MEGF9: variants seen among roughly 807,000 people sequenced by gnomAD.
The protein encoded by MEGF9 is multiple EGF like domains 9, also known as multiple epidermal growth factor-like domains protein 9.
A neutral mutation model predicts 46.8 loss-of-function variants in MEGF9; 6 were observed. That is an observed-to-expected ratio of 0.13 (90% CI 0.07 to 0.25). MEGF9 has a LOEUF of 0.25. Among genes scored for constraint, MEGF9 ranks in the 10% least tolerant of loss-of-function variants. The pLI, the probability that MEGF9 is intolerant of heterozygous loss-of-function variation, is 1.00. For missense variants in MEGF9, 683 were observed against 792.4 expected (o/e 0.86, Z 1.66); for synonymous variants, 302 against 330.7 (o/e 0.91, Z 0.94).
intron 2 of MEGF9, among the ~76,000 whole-genome samples, chr9:120,648,971 C>A (rs991944064): frequency 6.6e-6 from 1 of 152,186 alleles, no homozygotes; most frequent in African/African-American, 2.4e-5. Flanking sequence ...TGGGATGGGG[C>A]TTGGCTCCAG....
At chr9:120,688,225 G>A (rs918971859) in intron 1 of MEGF9, among the ~76,000 whole-genome samples, 1 of 151,466 alleles carries the variant, frequency 6.6e-6, no homozygotes, top group Non-Finnish European at 1.5e-5. Flanking sequence ...GAGATTTGAA[G>A]GTCAGATTCA....
chr9:120,662,010 A>AT (rs1331635201), intron 1 of MEGF9, among the ~76,000 whole-genome samples: 12 of 152,294 alleles, frequency 7.9e-5, no homozygotes, highest in Admixed American at 7.2e-4. Context: ...ACTAAAAAAA[A>AT]TTTTCTACAA....
intron 1 of MEGF9, among the ~76,000 whole-genome samples, chr9:120,682,672 A>AC (rs1235404086): frequency 6.6e-6 from 1 of 152,106 alleles, no homozygotes; most frequent in Non-Finnish European, 1.5e-5. Flanking sequence ...ACTGTAGATC[A>AC]CCCAGGCTCA....
intron 4 of MEGF9, among the ~76,000 whole-genome samples, chr9:120,610,426 T>C (rs905917655): frequency 6.6e-6 from 1 of 152,210 alleles, no homozygotes; most frequent in African/African-American, 2.4e-5. Flanking sequence ...CTGCCTGATG[T>C]TTCACTCCTT....
At chr9:120,664,062 C>G (rs975624082) in intron 1 of MEGF9, among the ~76,000 whole-genome samples, 3 of 152,004 alleles carry the variant, frequency 2.0e-5, no homozygotes, top group African/African-American at 7.2e-5. Context: ...TTTTTTAGCC[C>G]TAAAAAAAAG....
chr9:120,615,095 C>T (rs1461284339), intron 3 of MEGF9, among the ~76,000 whole-genome samples: 4 of 151,566 alleles, frequency 2.6e-5, no homozygotes, highest in African/African-American at 9.7e-5. Context: ...CAAAATTAGT[C>T]AGGTGTGGTA....
intron 1 of MEGF9, among the ~76,000 whole-genome samples, chr9:120,694,029 G>A (rs2132339636): frequency 6.6e-6 from 1 of 152,184 alleles, no homozygotes; most frequent in South Asian, 2.1e-4. Context: ...AGAATCAGGA[G>A]AAAAACTGAA....
At chr9:120,609,832 T>C (rs1587972014) in intron 4 of MEGF9, among the ~76,000 whole-genome samples, 1 of 152,194 alleles carries the variant, frequency 6.6e-6, no homozygotes, top group Non-Finnish European at 1.5e-5. Flanking sequence ...ACAGTGGTCA[T>C]GGAACTTGTG....
chr9:120,675,285 C>G (rs1014529563), intron 1 of MEGF9, among the ~76,000 whole-genome samples: 1 of 152,114 alleles, frequency 6.6e-6, no homozygotes, highest in Non-Finnish European at 1.5e-5. Flanking sequence ...TATGTCTGAT[C>G]TATTAAGTGG....
At chr9:120,606,529 T>G (rs1267785988) in intron 5 of MEGF9, among the ~76,000 whole-genome samples, 1 of 152,224 alleles carries the variant, frequency 6.6e-6, no homozygotes, top group Non-Finnish European at 1.5e-5. Context: ...TTTGTGTAGA[T>G]TACAGCTACT....
At chr9:120,682,758 T>C (rs1380786700) in intron 1 of MEGF9, among the ~76,000 whole-genome samples, 1 of 152,148 alleles carries the variant, frequency 6.6e-6, no homozygotes, top group African/African-American at 2.4e-5. Flanking sequence ...AATGTTTTTA[T>C]TTTTTGTAGA....
Position 120,650,236 on chromosome 9 carries a change from G to T in MEGF9, c.803+9138C>A, listed in dbSNP as rs372555163. 2.9e-4 allele frequency among the ~76,000 whole-genome samples: 44 copies of T among 152,250 alleles called. No individual in the cohort carries two copies. In the East Asian group the frequency reaches 4.1e-3, roughly 14 times the overall value. ...TGGCAAAAAAGCCTCAAATCAATGT[G>T]CAATTGTCTACATATAAAGGCATCC... is the stretch of plus-strand genomic sequence containing the variant. On this transcript the variant is annotated intron_variant, in intron 2 of 5. Transcript: ENST00000373930.
At chr9:120,627,350 T>C (rs2043529785) in intron 2 of MEGF9, among the ~76,000 whole-genome samples, 1 of 152,250 alleles carries the variant, frequency 6.6e-6, no homozygotes, top group African/African-American at 2.4e-5. Flanking sequence ...GTCTATTTTC[T>C]TCCTAAGATT....
intron 1 of MEGF9, among the ~76,000 whole-genome samples, chr9:120,683,835 A>G (rs1344776492): frequency 3.3e-5 from 5 of 152,134 alleles, no homozygotes; most frequent in African/African-American, 9.7e-5. Flanking sequence ...TTGAGGCTGC[A>G]GTGAGCCATG....
rs145059704 is a variant in MEGF9 at position 120,711,871 on chromosome 9, A to ACACACACACACACACACC, written c.601+1886_601+1887insGGTGTGTGTGTGTGTGTG. ...CACACACACACACACACACACACACACCCACAGGCCTGGTCATAAGCATAG... is the reference window on the plus strand; with the variant it reads ...CACACACACACACACACACACACACACACACACACACACACACCCCCACAGGCCTGGTCATAAGCATAG... On this transcript the variant is annotated intron_variant, in intron 1 of 5. Transcript: ENST00000373930. Among the ~76,000 whole-genome samples, 202 of 150,198 alleles carry ACACACACACACACACACC rather than the reference A, an allele frequency of 1.3e-3. 2 individuals carry two copies. Among genetic ancestry groups the ACACACACACACACACACC allele is most frequent in the African/African-American group, 4.8e-3 (194 of 40,362 alleles).
chr9:120,623,506 G>T (rs2043510847), intron 2 of MEGF9, among the ~76,000 whole-genome samples: 2 of 152,136 alleles, frequency 1.3e-5, no homozygotes, highest in African/African-American at 4.8e-5. Context: ...CAAATATTTT[G>T]ATGTTTAAAG....
chr9:120,684,623 T>C (rs1343070118), intron 1 of MEGF9, among the ~76,000 whole-genome samples: 1 of 152,150 alleles, frequency 6.6e-6, no homozygotes, highest in Non-Finnish European at 1.5e-5. Context: ...TGACTAAGCA[T>C]TTGAGTAACA....
At position 120,605,295 on chromosome 9, in the gene MEGF9, G is replaced by A; in HGVS notation, c.1704C>T (p.Ser568=). 6.2e-7 allele frequency: 1 copy of A among 1,614,038 alleles called. No homozygotes were observed. Among genetic ancestry groups the A allele is most frequent in the Non-Finnish European group, 8.5e-7 (1 of 1,179,902 alleles). The stretch of plus-strand genomic sequence containing the variant: ...ATCCCGAAACATCTGCATTGGGAAT[G>A]CTGTCATGGTAGCTGCTGAAACTGA... The part of the protein sequence containing the change: ...DNISFSSYHD[S]IPNADVSGLL... Residue 568 remains serine (S), a synonymous_variant, in exon 6 of 6, where the codon AGC becomes AGT. Coordinates refer to ENST00000373930, the MANE Select transcript of MEGF9 (RefSeq NM_001080497.3). This position sits in a 1 kb window ranked among gnomAD's most constrained non-coding sequence, Gnocchi z 4.0.
intron 1 of MEGF9, among the ~76,000 whole-genome samples, chr9:120,704,912 C>A (rs535727216): frequency 6.6e-6 from 1 of 152,242 alleles, no homozygotes; most frequent in Non-Finnish European, 1.5e-5. Flanking sequence ...CATCTCAAAA[C>A]CACCTACCAA....
Sources: gnomAD v4.1 joint callset for allele counts (sites outside exome capture counted in the v4.1 genomes callset) on GRCh38, gnomAD v4.1.1 for gene constraint, Gnocchi (gnomAD v3.1) non-coding constraint, MANE v1.5 for transcripts, NCBI Gene and HGNC (gene_info 2026-07-23, HGNC 2026-07-21) for gene names.